RNF31: variants seen among roughly 807,000 people sequenced by gnomAD.
The protein encoded by RNF31 is ring finger protein 31.
A neutral mutation model predicts 133.6 loss-of-function variants in RNF31; 38 were observed. The observed-to-expected ratio is 0.28, with a 90% CI of 0.22 to 0.37. The LOEUF is 0.37. RNF31 is among the 10% of genes least tolerant of loss of function. RNF31 has a pLI of 1.00. For synonymous variants in RNF31, 582 were observed against 552.3 expected, an observed-to-expected ratio of 1.05 and a Z score of -0.75; for missense variants, 1,118 against 1,394.1, an observed-to-expected ratio of 0.80 and a Z score of 3.15.
intron 6 of RNF31, 75 bp from the exon 7 acceptor site, chr14:24,149,986 T>C (rs1421842094): frequency 6.7e-7 from 1 of 1,484,504 alleles, no homozygotes; most frequent in Non-Finnish European, 9.0e-7. Flanking sequence ...ACCCAGGAAA[T>C]GGAGAATGCT....
At chr14:24,149,069 T>C (rs1383485067) in intron 5 of RNF31, 193 bp downstream of exon 5, 4 of 627,406 alleles carry the variant, frequency 6.4e-6, no homozygotes, top group Non-Finnish European at 8.4e-6. Context: ...GTTCAAGCGA[T>C]TCTCCTGCCT....
rs147874551 is a variant in RNF31, at chr14:24,155,776, G to A, written c.2493+84G>A. 1.6e-3 allele frequency: 1,830 copies of A among 1,154,996 alleles called. 18 individuals carry two copies. The African/African-American group carries it at 0.024, about 15-fold the overall frequency. 71.5% of individuals were successfully genotyped at this position (1,154,996 alleles called of 1,614,324 possible). On this transcript the variant is annotated intron_variant, in intron 14 of 20. Coordinates refer to ENST00000324103, the MANE Select transcript of RNF31 (RefSeq NM_017999.5). This position sits in a 1 kb window ranked among gnomAD's most constrained non-coding sequence, Gnocchi z 4.9. ...GACTCAGGGGAGTTTGTGTACTGGA[G>A]AGCAAAACAGACATGAGCTCTGAGG...
At chr14:24,148,235 T>C (rs1312353886) in intron 2 of RNF31, 23 bp from the exon 3 acceptor site, 2 of 1,613,904 alleles carry the variant, frequency 1.2e-6, no homozygotes, top group Non-Finnish European at 1.7e-6. Flanking sequence ...TCCTGGGTGG[T>C]GACTCGTTTG....
chr14:24,154,081 T>C lies in RNF31; in HGVS notation c.2131-1076T>C, dbSNP rs568531723. Among the ~76,000 whole-genome samples, 236 of 152,136 alleles carry C rather than the reference T, an allele frequency of 1.6e-3. 2 individuals are homozygous for C. The highest frequency in any genetic ancestry group is 5.2e-3 in the African/African-American group (216 of 41,526). ...CGCAATCATGGCTCACTGCAACCTC[T>C]GCCTCCCGGTTCAAGCGATTCTCCT... is the stretch of plus-strand genomic sequence containing the variant. On this transcript the variant is annotated intron_variant, in intron 11 of 20. Transcript: ENST00000324103.
intron 11 of RNF31, among the ~76,000 whole-genome samples, chr14:24,152,441 T>TA (rs1340515035): frequency 3.9e-5 from 6 of 152,194 alleles, no homozygotes; most frequent in Non-Finnish European, 7.3e-5. Flanking sequence ...TTATTTTTTT[T>TA]AGATGGAATT....
Position 24,160,102 on chromosome 14 carries a change from G to T in RNF31, c.2997-137G>T. The stretch of plus-strand genomic sequence containing the variant: ...GGAGGCTTTCTGGGCAAGGGCATGG[G>T]TAGATAGTAGCAGGCAGTGTGGGCA... On this transcript the variant is annotated intron_variant, in intron 19 of 20. Coordinates refer to ENST00000324103, the MANE Select transcript of RNF31 (RefSeq NM_017999.5). The surrounding 1 kb of genome is among the most constrained non-coding windows in gnomAD (Gnocchi z 4.0). 7.6e-7 allele frequency: 1 copy of T among 1,310,334 alleles called. No homozygotes were observed. The highest frequency in any genetic ancestry group is 1.3e-5 in the South Asian group (1 of 75,798). The allele number at this position is 1,310,334 out of a possible 1,614,324, so 81.2% of individuals were successfully genotyped here. A position where few individuals can be genotyped will look rare whatever the true frequency, so the allele number is the denominator to read the frequency against.
Position 24,155,249 on chromosome 14 carries a change from C to T in RNF31, c.2223C>T (p.Asp741=), listed in dbSNP as rs371385988. The change falls in exon 12 of 21, where the codon GAC becomes GAT. Residue 741 remains aspartate (D), a synonymous_variant. Transcript: ENST00000324103. The surrounding 1 kb of genome is among the most constrained non-coding windows in gnomAD (Gnocchi z 4.9). ...CCTTGAAGGAGAAGCACATCACAGACATGGTGTGCCCTGCCTGTGGCCGCC... is the reference window on the plus strand; with the variant it reads ...CCTTGAAGGAGAAGCACATCACAGATATGGTGTGCCCTGCCTGTGGCCGCC... ...TIALKEKHIT[D]MVCPACGRPD... is the part of the protein sequence containing the mutation. 2 of 1,614,050 alleles carry T rather than the reference C, an allele frequency of 1.2e-6. No individual in the cohort carries two copies. The highest frequency in any genetic ancestry group is 2.7e-5 in the African/African-American group (2 of 74,914).
At position 24,155,839 on chromosome 14, in the gene RNF31, CA is replaced by C. The variant is rs1215492009; in HGVS notation, c.2493+149del. 6.5e-6 allele frequency: 4 copies of C among 617,236 alleles called. No individual in the cohort carries two copies. The highest frequency in any genetic ancestry group is 1.1e-5 in the Non-Finnish European group (4 of 352,348). The allele number at this position is 617,236 out of a possible 1,614,324, so 38.2% of individuals were successfully genotyped here. A position where few individuals can be genotyped will look rare whatever the true frequency, so the allele number is the denominator to read the frequency against. On this transcript the variant is annotated intron_variant, in intron 14 of 20. Transcript: ENST00000324103. This position sits in a 1 kb window ranked among gnomAD's most constrained non-coding sequence, Gnocchi z 4.9. Reference sequence around the variant, plus strand: ...ACAGACTACTCAGAAAGACTAGGCACAAGGAGAAAGGGAAGCAGAGGGAGGG... The same window carrying C: ...ACAGACTACTCAGAAAGACTAGGCACAGGAGAAAGGGAAGCAGAGGGAGGG...
In RNF31 at chr14:24,156,833, T is replaced by C. The variant is rs1219656325; in HGVS notation, c.2494-457T>C. On this transcript the variant is annotated intron_variant, in intron 14 of 20. Coordinates refer to ENST00000324103, the MANE Select transcript of RNF31 (RefSeq NM_017999.5). Reference sequence around the variant, plus strand: ...TACGAAAAAAATTTCATCTGCATCATGTCTGAAATAAAGTGAACACCTGAG... The same window carrying C: ...TACGAAAAAAATTTCATCTGCATCACGTCTGAAATAAAGTGAACACCTGAG... Among the ~76,000 whole-genome samples the C allele has an allele frequency of 1.3e-5, 2 of 151,614 alleles. 1 individual carries two copies. Among genetic ancestry groups the C allele is most frequent in the South Asian group, 4.2e-4 (2 of 4,802 alleles).
At position 24,160,591 on chromosome 14, in the gene RNF31, G is replaced by T; in HGVS notation, c.*18G>T. 1 of 1,513,534 alleles carries T rather than the reference G, an allele frequency of 6.6e-7. No individual in the cohort carries two copies. The allele number at this position is 1,513,534 out of a possible 1,614,324, so 93.8% of individuals were successfully genotyped here. A position where few individuals can be genotyped will look rare whatever the true frequency, so the allele number is the denominator to read the frequency against. ...GGAAGTAGCTGAGGGCAAGGGTCCC[G>T]ATGAGGGTCCCATGGCCTGCTCCCT... On this transcript the variant is annotated 3_prime_UTR_variant, in exon 21 of 21. Coordinates refer to ENST00000324103, the MANE Select transcript of RNF31 (RefSeq NM_017999.5). This position sits in a 1 kb window ranked among gnomAD's most constrained non-coding sequence, Gnocchi z 4.0.
intron 16 of RNF31, 35 bp downstream of exon 16, chr14:24,157,673 TG>T (rs35678583): frequency 6.3e-6 from 10 of 1,574,898 alleles, no homozygotes; most frequent in South Asian, 4.4e-5. Flanking sequence ...GGTGGAAGGG[TG>T]GGGGGTGCCA....
chr14:24,148,196 A>AG, intron 2 of RNF31, 62 bp from the exon 3 acceptor site: 1 of 1,613,110 alleles, frequency 6.2e-7, no homozygotes, highest in Admixed American at 1.7e-5. Flanking sequence ...CTGAATGGGA[A>AG]GGGGTCCAGC....
Position 24,147,710 on chromosome 14 carries a change from G to A in RNF31, c.12G>A (p.Glu4=). Residue 4 remains glutamate, a synonymous_variant, in exon 1 of 21, where the codon GAG becomes GAA. Transcript: ENST00000324103. The stretch of plus-strand genomic sequence containing the variant: ...ACTCCTGCCTCAGGATGCCGGGGGA[G>A]GAAGAGGAGCGGGCCTTCCTGGTGG... MPG[E]EEERAFLVAR... 2 of 1,523,586 alleles carry A rather than the reference G, an allele frequency of 1.3e-6. No homozygotes were observed. The allele number at this position is 1,523,586 out of a possible 1,614,324, so 94.4% of individuals were successfully genotyped here.
chr14:24,153,075 C>T (rs142326007), intron 11 of RNF31, among the ~76,000 whole-genome samples: 1,563 of 149,560 alleles, frequency 0.01, 29 homozygotes, highest in African/African-American at 0.037. Flanking sequence ...CGCAAGACTC[C>T]GTCTTAAAAA....
In RNF31 at chr14:24,149,570, C is replaced by G. The variant is rs1347777605; in HGVS notation, c.796C>G (p.His266Asp). ...QTLPGVLQGTHLSPSLPASAQ... is the reference protein window; with the variant it reads ...QTLPGVLQGTDLSPSLPASAQ... ...CCTGCCTGGGGTCCTGCAGGGTACC[C>G]ACCTGAGCCCCAGGTGAGAGGGCTT... is the stretch of plus-strand genomic sequence containing the variant. The change falls in exon 6 of 21, where the codon CAC becomes GAC. Residue 266 changes from histidine (H) to aspartate (D), a missense_variant. His to Asp is a moderately conservative substitution (Grantham distance 81, BLOSUM62 -1). This residue lies in a region of RNF31 where 747 missense variants were observed against 827.9 expected (regional missense o/e 0.90). Coordinates refer to ENST00000324103, the MANE Select transcript of RNF31 (RefSeq NM_017999.5). The G allele has an allele frequency of 6.2e-7, 1 of 1,613,312 alleles. No individual in the cohort carries two copies. Among genetic ancestry groups the G allele is most frequent in the African/African-American group, 1.3e-5 (1 of 74,914 alleles).
chr14:24,149,851 C>T (rs1250294077), intron 6 of RNF31, among the ~76,000 whole-genome samples: 2 of 151,898 alleles, frequency 1.3e-5, no homozygotes, highest in South Asian at 2.1e-4. Context: ...TAGGTCAGGC[C>T]ATGTGTTAGC....
At chr14:24,150,952 G>T (rs2038256734) in intron 8 of RNF31, 64 bp downstream of exon 8, 2 of 1,523,514 alleles carry the variant, frequency 1.3e-6, no homozygotes, top group South Asian at 2.6e-5. Flanking sequence ...GCTGCAGGTG[G>T]TTAATAGTTT....
At chr14:24,152,085 G>C in intron 11 of RNF31, 93 bp downstream of exon 11, 1 of 1,320,220 alleles carries the variant, frequency 7.6e-7, no homozygotes, top group East Asian at 2.5e-5. Flanking sequence ...CCTGTCTTCT[G>C]CTCTTCAGTT....
chr14:24,150,368 T>C lies in RNF31; in HGVS notation c.1117T>C (p.Cys373Arg). Residue 373 changes from cysteine to arginine, a missense_variant, in exon 7 of 21, where the codon TGT (cysteine) becomes CGT (arginine). By Grantham distance (180) the Cys-to-Arg change is radical (BLOSUM62 -3). Transcript: ENST00000324103. Reference protein sequence around the residue: ...NEAAAVLCSICERPRLAQPPS... With the variant: ...NEAAAVLCSIRERPRLAQPPS... ...GGCAGCTGCTGTGCTATGTTCCATA[T>C]GTGAGCGACCTCGGCTGGCCCAGCC... 1.2e-6 allele frequency: 2 copies of C among 1,613,992 alleles called. No homozygotes were observed. The highest frequency in any genetic ancestry group is 1.7e-6 in the Non-Finnish European group (2 of 1,180,022).
Sources: allele counts gnomAD v4.1 joint callset (sites outside exome capture counted in the v4.1 genomes callset), GRCh38; gene constraint gnomAD v4.1.1; regional missense constraint gnomAD v4.1.1; non-coding constraint Gnocchi (gnomAD v3.1); transcripts MANE v1.5; gene names NCBI Gene and HGNC (gene_info 2026-07-23, HGNC 2026-07-21).